Variants in VPS13C observed in about 807,000 individuals in gnomAD.
The protein encoded by VPS13C is vacuolar protein sorting 13 homolog C, also known as intermembrane lipid transfer protein VPS13C.
Under a neutral mutation model 456.8 loss-of-function variants are expected in VPS13C, and 358 were observed. The ratio of observed to expected loss-of-function variants is 0.78; its 90% CI spans 0.72 to 0.86. The LOEUF is 0.86. Ranked by LOEUF, VPS13C falls within the 40% of genes least tolerant of loss-of-function variation. VPS13C has a pLI of 0.00. For missense variants in VPS13C, 4,818 were observed against 4,385.4 expected, an observed-to-expected ratio of 1.10 and a Z score of -2.79; for synonymous variants, 1,578 against 1,486.7, an observed-to-expected ratio of 1.06 and a Z score of -1.41.
At chr15:61,920,714 A>C (rs2043626958) in intron 55 of VPS13C, 67 bp from the exon 56 acceptor site, 1 of 1,442,530 alleles carries the variant, frequency 6.9e-7, no homozygotes, top group South Asian at 1.4e-5. Flanking sequence ...AAAATGCTGG[A>C]GTTCAGTTCT....
At chr15:62,055,174 A>G (rs1325187580) in intron 1 of VPS13C, among the ~76,000 whole-genome samples, 4 of 152,192 alleles carry the variant, frequency 2.6e-5, no homozygotes, top group Non-Finnish European at 4.4e-5. Flanking sequence ...TTTAAAGGCA[A>G]CATCTAAAGT....
At position 61,962,501 on chromosome 15, in the gene VPS13C, T is replaced by C. The variant is rs2045241216; in HGVS notation, c.3473A>G (p.Asn1158Ser). The change falls in exon 34 of 85, where the codon AAT (asparagine) becomes AGT (serine). Residue 1158 changes from asparagine (N) to serine (S), a missense_variant. By Grantham distance (46) the Asn-to-Ser change is conservative. Coordinates refer to ENST00000644861, the MANE Select transcript of VPS13C (RefSeq NM_020821.3). ...AGTAGCATCTGGATACAAATCCAAA[T>C]TAAAACGGAAAACTTCATTTCCCAT... ...SIMGNEVFRFNLDLYPDATEG... is the reference protein window; with the variant it reads ...SIMGNEVFRFSLDLYPDATEG... The C allele has an allele frequency of 6.2e-7, 1 of 1,610,370 alleles. No individual in the cohort carries two copies. Among genetic ancestry groups the C allele is most frequent in the African/African-American group, 1.3e-5 (1 of 74,970 alleles).
intron 3 of VPS13C, among the ~76,000 whole-genome samples, chr15:62,037,800 C>A (rs2048115586): frequency 6.6e-6 from 1 of 151,976 alleles, no homozygotes. Context: ...CTACACATAA[C>A]CACCACATTC....
chr15:61,854,311 A>C lies in VPS13C; in HGVS notation c.*146T>G, dbSNP rs1893791747. 1 of 757,276 alleles carries C rather than the reference A, an allele frequency of 1.3e-6. No individual in the cohort carries two copies. The highest frequency in any genetic ancestry group is 2.4e-5 in the Admixed American group (1 of 40,888). 46.9% of individuals were successfully genotyped at this position (757,276 alleles called of 1,614,324 possible). Reference sequence around the variant, plus strand: ...TAGAGTAAAAACTAAAAGGTGAAAAAACTAGAAAACCCAATACTAGCTATT... The same window carrying C: ...TAGAGTAAAAACTAAAAGGTGAAAACACTAGAAAACCCAATACTAGCTATT... On this transcript the variant is annotated 3_prime_UTR_variant, in exon 85 of 85. Coordinates refer to ENST00000644861, the MANE Select transcript of VPS13C (RefSeq NM_020821.3).
At chr15:61,921,746 T>A (rs1317186794) in intron 55 of VPS13C, among the ~76,000 whole-genome samples, 2 of 152,098 alleles carry the variant, frequency 1.3e-5, no homozygotes, top group Admixed American at 1.3e-4. Flanking sequence ...ATCACCTTCA[T>A]TAGTCTCTGG....
intron 14 of VPS13C, among the ~76,000 whole-genome samples, chr15:62,008,344 G>A (rs2046923334): frequency 6.6e-6 from 1 of 151,748 alleles, no homozygotes; most frequent in Non-Finnish European, 1.5e-5. Context: ...AAGTTGCAGT[G>A]AGCCAAGATC....
chr15:61,887,116 T>C (rs1337189447), intron 67 of VPS13C, among the ~76,000 whole-genome samples: 7 of 151,264 alleles, frequency 4.6e-5, no homozygotes, highest in African/African-American at 1.5e-4. Context: ...ATGTTCACAT[T>C]TGACATGACT....
chr15:62,049,236 G>T (rs866221026), intron 1 of VPS13C, among the ~76,000 whole-genome samples: 4 of 152,242 alleles, frequency 2.6e-5, no homozygotes, highest in Non-Finnish European at 5.9e-5. Flanking sequence ...TATGGTTTTA[G>T]GTCTAACATG....
rs938535914 is a variant in VPS13C at position 61,858,440 on chromosome 15, T to C, written c.10953-2031A>G. Among the ~76,000 whole-genome samples, 1 of 152,146 alleles carries C rather than the reference T, an allele frequency of 6.6e-6. No individual in the cohort carries two copies. Among genetic ancestry groups the C allele is most frequent in the Non-Finnish European group, 1.5e-5 (1 of 68,034 alleles). ...CACTCAGTCACCAAGCCTTGTCTCA[T>C]AAGTCAAATCCTCATTCTTTAGGCC... On this transcript the variant is annotated intron_variant, in intron 82 of 84. Coordinates refer to ENST00000644861, the MANE Select transcript of VPS13C (RefSeq NM_020821.3). The surrounding 1 kb of genome is among the most constrained non-coding windows in gnomAD (Gnocchi z 4.4).
intron 16 of VPS13C, among the ~76,000 whole-genome samples, chr15:61,993,931 T>G (rs2046299182): frequency 6.6e-6 from 1 of 152,124 alleles, no homozygotes; most frequent in Non-Finnish European, 1.5e-5. Flanking sequence ...TCTTTGCTAC[T>G]TATTGTAAAC....
intron 35 of VPS13C, among the ~76,000 whole-genome samples, chr15:61,960,353 T>C (rs894300390): frequency 6.6e-6 from 1 of 152,136 alleles, no homozygotes; most frequent in Non-Finnish European, 1.5e-5. Context: ...TCTTCCTCAA[T>C]AGTACAGAAT....
At chr15:61,881,962 T>C in intron 69 of VPS13C, 134 bp from the exon 70 acceptor site, 2 of 795,722 alleles carry the variant, frequency 2.5e-6, no homozygotes, top group Non-Finnish European at 3.9e-6. Flanking sequence ...TAATTAGAAG[T>C]TTCATTTTAA....
chr15:61,908,864 G>A, intron 65 of VPS13C, 128 bp downstream of exon 65: 1 of 1,102,082 alleles, frequency 9.1e-7, no homozygotes. Context: ...GGGTATTAAA[G>A]ATAAATACCA....
chr15:61,954,283 T>C, intron 38 of VPS13C, 138 bp downstream of exon 38: 1 of 892,502 alleles, frequency 1.1e-6, no homozygotes, highest in East Asian at 2.9e-5. Flanking sequence ...TTTCAATTTT[T>C]AAAACATCAC....
chr15:61,923,300 C>G (rs1389041914), intron 53 of VPS13C, among the ~76,000 whole-genome samples: 1 of 152,034 alleles, frequency 6.6e-6, no homozygotes, highest in African/African-American at 2.4e-5. Context: ...ACCCCAAGAT[C>G]TATAAATCCT....
rs1280021149 is a variant in VPS13C at position 61,966,062 on chromosome 15, T to G, written c.3051+21A>C. ...TAGGTTATTTTCAAACAGGATAAAT[T>G]CCTTTAACAGAATTTCTTACCTTAA... On this transcript the variant is annotated intron_variant, in intron 30 of 84. Transcript: ENST00000644861. The G allele has an allele frequency of 1.9e-6, 3 of 1,585,346 alleles. No individual in the cohort carries two copies. The Admixed American group carries it at 5.1e-5, about 27-fold the overall frequency.
At chr15:61,924,621 C>T (rs1275851138) in intron 53 of VPS13C, among the ~76,000 whole-genome samples, 3 of 152,140 alleles carry the variant, frequency 2.0e-5, no homozygotes, top group South Asian at 2.1e-4. Context: ...TCATTTACTA[C>T]TTTATATATT....
intron 58 of VPS13C, among the ~76,000 whole-genome samples, chr15:61,918,620 A>T (rs1256712062): frequency 6.6e-6 from 1 of 152,048 alleles, no homozygotes; most frequent in Non-Finnish European, 1.5e-5. Flanking sequence ...ATAGCAAAAA[A>T]TCATGAGAAA....
chr15:62,010,547 T>C lies in VPS13C; in HGVS notation c.936A>G (p.Glu312=). Residue 312 remains glutamate (E), a synonymous_variant, in exon 13 of 85, where the codon GAA becomes GAG. Coordinates refer to ENST00000644861, the MANE Select transcript of VPS13C (RefSeq NM_020821.3). ...CCAGTTTGGGCGTTTTGAGCTCTGA[T>C]TCTGCATAAGGATTCATGTAGAGTT... is the stretch of plus-strand genomic sequence containing the variant. ...SAKLYMNPYA[E]SELKTPKLDC... The C allele has an allele frequency of 1.2e-6, 2 of 1,613,560 alleles. No homozygotes were observed. The highest frequency in any genetic ancestry group is 1.3e-5 in the African/African-American group (1 of 75,044).
Sources: gnomAD v4.1 joint callset for allele counts (sites outside exome capture counted in the v4.1 genomes callset) on GRCh38, gnomAD v4.1.1 for gene constraint, Gnocchi (gnomAD v3.1) non-coding constraint, MANE v1.5 for transcripts, NCBI Gene and HGNC (gene_info 2026-07-23, HGNC 2026-07-21) for gene names.